The following EPHB1 variants were observed in gnomAD, a reference collection of about 807,000 sequenced individuals.
EPHB1 encodes EPH receptor B1.
Under a neutral mutation model 94.4 loss-of-function variants are expected in EPHB1, and 30 were observed. That is an observed-to-expected ratio of 0.32 (90% CI 0.24 to 0.43). EPHB1 has a LOEUF of 0.43. Among genes scored for constraint, EPHB1 ranks in the 20% least tolerant of loss-of-function variants. The pLI, the probability that EPHB1 is intolerant of heterozygous loss-of-function variation, is 1.00. For missense variants in EPHB1, 1,055 were observed against 1,308.3 expected (o/e 0.81, Z 2.99); for synonymous variants, 522 against 489.1 (o/e 1.07, Z -0.89).
At chr3:135,077,238 T>G (rs952312792) in intron 3 of EPHB1, among the ~76,000 whole-genome samples, 1 of 152,184 alleles carries the variant, frequency 6.6e-6, no homozygotes, top group Non-Finnish European at 1.5e-5. Flanking sequence ...CAGGGAAGGC[T>G]GCAGGCCACT....
At chr3:134,800,400 T>C (rs944638206) in intron 1 of EPHB1, among the ~76,000 whole-genome samples, 2 of 152,206 alleles carry the variant, frequency 1.3e-5, no homozygotes, top group Non-Finnish European at 2.9e-5. Flanking sequence ...TGTAGTGTTT[T>C]TCTAGCATGG....
intron 2 of EPHB1, among the ~76,000 whole-genome samples, chr3:134,935,614 C>A (rs979079536): frequency 6.6e-6 from 1 of 152,004 alleles, no homozygotes; most frequent in South Asian, 2.1e-4. Context: ...TTGTGTTTAC[C>A]TTTGTAAACT....
intron 3 of EPHB1, among the ~76,000 whole-genome samples, chr3:135,071,813 C>T (rs1014853173): frequency 6.6e-6 from 1 of 152,214 alleles, no homozygotes; most frequent in Non-Finnish European, 1.5e-5. Context: ...CATCTGAGTG[C>T]ATCCCACACT....
chr3:134,935,599 T>C (rs1021121896), intron 2 of EPHB1, among the ~76,000 whole-genome samples: 2 of 152,190 alleles, frequency 1.3e-5, no homozygotes, highest in Non-Finnish European at 2.9e-5. Context: ...GTGATTGGGA[T>C]TACATTGTGT....
At chr3:134,937,976 G>A (rs1463831334) in intron 2 of EPHB1, among the ~76,000 whole-genome samples, 1 of 147,468 alleles carries the variant, frequency 6.8e-6, no homozygotes, top group African/African-American at 2.5e-5. Context: ...AGGGCTGGCT[G>A]GTGGGGTGGG....
At chr3:135,023,087 TTTC>T (rs1378719287) in intron 3 of EPHB1, among the ~76,000 whole-genome samples, 42 of 152,350 alleles carry the variant, frequency 2.8e-4, no homozygotes, top group Non-Finnish European at 5.4e-4. Flanking sequence ...GGTTATCTGG[TTTC>T]TTCTTTTACT....
chr3:135,156,175 A>C (rs193258033), intron 6 of EPHB1, among the ~76,000 whole-genome samples: 35 of 152,086 alleles, frequency 2.3e-4, no homozygotes, highest in African/African-American at 8.4e-4. Context: ...AGTTCAGTTC[A>C]GTGTCTAAAA....
intron 3 of EPHB1, among the ~76,000 whole-genome samples, chr3:135,074,352 G>T (rs1937835056): frequency 1.3e-5 from 2 of 152,128 alleles, no homozygotes; most frequent in East Asian, 3.8e-4. Flanking sequence ...TTGAATAAAT[G>T]CAAGTTTAGA....
Position 135,257,528 on chromosome 3 carries a change from G to T in EPHB1, c.2847-1484G>T, listed in dbSNP as rs577522950. Among the ~76,000 whole-genome samples the T allele has an allele frequency of 2.6e-3, 400 of 152,160 alleles. 2 individuals carry two copies. Among genetic ancestry groups the T allele is most frequent in the African/African-American group, 9.1e-3 (376 of 41,496 alleles). ...GGGGGTGCCTCCCAGTTAGGTTGCT[G>T]GGGGGGTCAGGGGTCAGGGACCCAC... On this transcript the variant is annotated intron_variant, in intron 15 of 15. Coordinates refer to ENST00000398015, the MANE Select transcript of EPHB1 (RefSeq NM_004441.5).
intron 10 of EPHB1, among the ~76,000 whole-genome samples, chr3:135,182,144 C>G (rs1942171656): frequency 6.6e-6 from 1 of 152,212 alleles, no homozygotes; most frequent in Non-Finnish European, 1.5e-5. Flanking sequence ...CCTCTACCAT[C>G]ACTCTCATTT....
intron 1 of EPHB1, among the ~76,000 whole-genome samples, chr3:134,913,108 A>G (rs989102195): frequency 6.6e-6 from 1 of 152,168 alleles, no homozygotes; most frequent in African/African-American, 2.4e-5. Context: ...ATTGGAGAGC[A>G]GCGTCAGTCC....
chr3:135,002,802 A>G (rs1245845789), intron 3 of EPHB1, among the ~76,000 whole-genome samples: 1 of 151,790 alleles, frequency 6.6e-6, no homozygotes, highest in Non-Finnish European at 1.5e-5. Context: ...ATCAGTGGTG[A>G]TATCCCCTTT....
chr3:135,194,332 T>G (rs888851922), intron 11 of EPHB1, among the ~76,000 whole-genome samples: 4 of 152,162 alleles, frequency 2.6e-5, no homozygotes, highest in African/African-American at 9.7e-5. Flanking sequence ...ATCTTATACT[T>G]TTTTTCCCCA....
chr3:135,036,521 T>C (rs1436590374), intron 3 of EPHB1, among the ~76,000 whole-genome samples: 1 of 152,130 alleles, frequency 6.6e-6, no homozygotes, highest in African/African-American at 2.4e-5. Context: ...GAGAGATGGG[T>C]ACCTGCAGGC....
intron 3 of EPHB1, among the ~76,000 whole-genome samples, chr3:134,993,978 T>G (rs187117433): frequency 2.3e-3 from 354 of 152,342 alleles, no homozygotes; most frequent in Non-Finnish European, 4.4e-3. Flanking sequence ...TCATTTGGAT[T>G]TCTTTCACTG....
Position 135,207,207 on chromosome 3 carries a change from C to T in EPHB1, c.2346+5518C>T, listed in dbSNP as rs527666463. On this transcript the variant is annotated intron_variant, in intron 12 of 15. Coordinates refer to ENST00000398015, the MANE Select transcript of EPHB1 (RefSeq NM_004441.5). ...TTGGATTACTTGCTGTGATAAGTGT[C>T]TTTGTAGATGATAGAGCTTATATGT... 4.6e-5 allele frequency among the ~76,000 whole-genome samples: 7 copies of T among 152,246 alleles called. No individual in the cohort carries two copies. The East Asian group carries it at 7.7e-4, about 17-fold the overall frequency.
chr3:134,825,698 T>C (rs2036464059), intron 1 of EPHB1, among the ~76,000 whole-genome samples: 1 of 152,192 alleles, frequency 6.6e-6, no homozygotes, highest in African/African-American at 2.4e-5. Flanking sequence ...TTGTTCTTAC[T>C]CAACCCATGT....
chr3:135,136,950 C>A (rs1178033884), intron 5 of EPHB1, among the ~76,000 whole-genome samples: 1 of 152,200 alleles, frequency 6.6e-6, no homozygotes, highest in African/African-American at 2.4e-5. Flanking sequence ...TTGTTATCAC[C>A]ACTAACTCCT....
intron 3 of EPHB1, among the ~76,000 whole-genome samples, chr3:135,030,785 A>G (rs966693683): frequency 3.3e-5 from 5 of 152,150 alleles, no homozygotes; most frequent in African/African-American, 1.2e-4. Context: ...TTGTTTACCT[A>G]AGCAAGCCTG....
Sources: allele counts gnomAD v4.1 joint callset (sites outside exome capture counted in the v4.1 genomes callset), GRCh38; gene constraint gnomAD v4.1.1; transcripts MANE v1.5; gene names NCBI Gene and HGNC (gene_info 2026-07-23, HGNC 2026-07-21).